The following RAD51B variants were observed in gnomAD, a reference collection of about 807,000 sequenced individuals.
RAD51B encodes the protein RAD51 paralog B.
RAD51B carries 38 observed loss-of-function variants against 42.2 expected under a neutral mutation model. The observed-to-expected ratio is 0.90, with a 90% CI of 0.70 to 1.18. The LOEUF (loss-of-function observed/expected upper bound fraction) is 1.18, where lower values mean the gene tolerates loss of function less well. Among genes scored for constraint, RAD51B ranks in the 50% most tolerant of loss-of-function variants. The probability of loss-of-function intolerance (pLI) is 0.00; values close to 1 mark genes in which losing one functional copy is unlikely to be tolerated. For missense variants in RAD51B, 373 were observed against 400.7 expected, an observed-to-expected ratio of 0.93 and a Z score of 0.59; for synonymous variants, 154 against 145.2, an observed-to-expected ratio of 1.06 and a Z score of -0.43.
At chr14:68,485,536 C>CA (rs956640985) in intron 10 of RAD51B, among the ~76,000 whole-genome samples, 33 of 150,472 alleles carry the variant, frequency 2.2e-4, no homozygotes, top group South Asian at 4.2e-4. Flanking sequence ...ACTTCCTTTT[C>CA]AAAAAAAAAC....
At chr14:68,556,710 T>A (rs921448647) in intron 10 of RAD51B, among the ~76,000 whole-genome samples, 1 of 152,162 alleles carries the variant, frequency 6.6e-6, no homozygotes, top group Non-Finnish European at 1.5e-5. Context: ...CTGAAAATAT[T>A]TGCAGTTACA....
chr14:68,206,956 A>AT (rs1293340523), intron 7 of RAD51B, among the ~76,000 whole-genome samples: 1 of 151,710 alleles, frequency 6.6e-6, no homozygotes, highest in African/African-American at 2.4e-5. Context: ...CGCCCGGCTA[A>AT]TTTTTTTATA....
rs927246801 is a variant in RAD51B at position 67,819,828 on chromosome 14, C to G, written c.-28C>G. ...GGAAACTGTGTAAAGGGTGGGGAAA[C>G]TTGAAAGTTGGATGCTGCAGACCCG... On this transcript the variant is annotated 5_prime_UTR_variant, in exon 1 of 11. Coordinates refer to ENST00000471583, the MANE Select transcript of RAD51B (RefSeq NM_133510.4). 6.6e-6 allele frequency: 1 copy of G among 152,106 alleles called. No homozygotes were observed. 9.4% of individuals were successfully genotyped at this position (152,106 alleles called of 1,614,324 possible).
At chr14:68,004,499 CAT>C (rs1339814124) in intron 7 of RAD51B, among the ~76,000 whole-genome samples, 1 of 151,924 alleles carries the variant, frequency 6.6e-6, no homozygotes, top group African/African-American at 2.4e-5. Context: ...ATTTTTATAA[CAT>C]AGGATTTTCT....
chr14:68,429,841 G>GT (rs750826771), intron 9 of RAD51B, among the ~76,000 whole-genome samples: 6 of 147,696 alleles, frequency 4.1e-5, no homozygotes, highest in Admixed American at 6.6e-5. Flanking sequence ...GTCCTGAATG[G>GT]TATTGCCTAG....
intron 10 of RAD51B, among the ~76,000 whole-genome samples, chr14:68,632,776 G>A (rs1344859645): frequency 6.6e-6 from 1 of 151,836 alleles, no homozygotes; most frequent in Non-Finnish European, 1.5e-5. Context: ...GCAATGACCA[G>A]TGGGTCTTTA....
chr14:68,463,643 A>G (rs1216063497), intron 9 of RAD51B, among the ~76,000 whole-genome samples: 3 of 152,182 alleles, frequency 2.0e-5, no homozygotes, highest in African/African-American at 7.2e-5. Flanking sequence ...GCATCTTCAC[A>G]TAGTATATAC....
chr14:67,897,181 C>T (rs2043449790), intron 7 of RAD51B, among the ~76,000 whole-genome samples: 1 of 152,102 alleles, frequency 6.6e-6, no homozygotes, highest in African/African-American at 2.4e-5. Flanking sequence ...TGACAGCAGC[C>T]TTGGCAATGA....
intron 8 of RAD51B, among the ~76,000 whole-genome samples, chr14:68,348,625 C>T (rs575431785): frequency 3.9e-5 from 6 of 152,312 alleles, no homozygotes; most frequent in African/African-American, 7.2e-5. Flanking sequence ...TCTCGCCTGG[C>T]GCGGTGGCTC....
chr14:68,197,279 G>T (rs886445242), intron 7 of RAD51B, among the ~76,000 whole-genome samples: 1 of 152,106 alleles, frequency 6.6e-6, no homozygotes, highest in Non-Finnish European at 1.5e-5. Context: ...ACTCACATAC[G>T]TAGAAATCAA....
At chr14:68,062,943 T>G (rs1261078553) in intron 7 of RAD51B, among the ~76,000 whole-genome samples, 1 of 152,166 alleles carries the variant, frequency 6.6e-6, no homozygotes, top group African/African-American at 2.4e-5. Context: ...CTGTTCATGC[T>G]TTCCATTTCT....
At chr14:68,377,784 G>T (rs965383886) in intron 8 of RAD51B, among the ~76,000 whole-genome samples, 3 of 152,218 alleles carry the variant, frequency 2.0e-5, no homozygotes, top group African/African-American at 7.2e-5. Flanking sequence ...GTGGCTTAGG[G>T]AGTCACTGTC....
chr14:68,259,289 C>T lies in RAD51B; in HGVS notation c.757-32595C>T, dbSNP rs539561252. On this transcript the variant is annotated intron_variant, in intron 7 of 10. Coordinates refer to ENST00000471583, the MANE Select transcript of RAD51B (RefSeq NM_133510.4). ...ACACAGGAAGGGGAACATCACACACCGGGGACTGTTGTGGGGTAGGGGGAG... is the reference window on the plus strand; with the variant it reads ...ACACAGGAAGGGGAACATCACACACTGGGGACTGTTGTGGGGTAGGGGGAG... Among the ~76,000 whole-genome samples, 19 of 88,706 alleles carry T rather than the reference C, an allele frequency of 2.1e-4. No individual in the cohort carries two copies. In the South Asian group the frequency reaches 3.4e-3, roughly 16 times the overall value. The allele number at this position is 88,706 out of a possible 152,430, so 58.2% of individuals were successfully genotyped here.
intron 7 of RAD51B, among the ~76,000 whole-genome samples, chr14:68,112,737 A>T (rs1017676815): frequency 3.3e-5 from 5 of 152,098 alleles, no homozygotes; most frequent in Admixed American, 1.3e-4. Flanking sequence ...TCCAGAAGAT[A>T]GTCTTCTTTG....
Position 68,494,479 on chromosome 14 carries a change from G to A in RAD51B, c.1036+26229G>A, listed in dbSNP as rs79904847. Reference sequence around the variant, plus strand: ...TGTGGGCAATACTCCAAGCACCCCCGGTTGAAAACACCAACAAGGCTATCT... The same window carrying A: ...TGTGGGCAATACTCCAAGCACCCCCAGTTGAAAACACCAACAAGGCTATCT... On this transcript the variant is annotated intron_variant, in intron 10 of 10. Coordinates refer to the RAD51B transcript ENST00000487270. 4.7e-4 allele frequency among the ~76,000 whole-genome samples: 72 copies of A among 152,176 alleles called. 1 individual carries two copies. Among genetic ancestry groups the A allele is most frequent in the Admixed American group, 1.8e-3 (27 of 15,288 alleles).
intron 8 of RAD51B, among the ~76,000 whole-genome samples, chr14:68,346,255 A>G (rs2082674920): frequency 6.6e-6 from 1 of 152,228 alleles, no homozygotes; most frequent in African/African-American, 2.4e-5. Flanking sequence ...ATTTTCTAAG[A>G]CTGCCTGAAG....
At chr14:68,254,268 CTTCAAGTCG>C (rs1324171945) in intron 7 of RAD51B, among the ~76,000 whole-genome samples, 7 of 152,176 alleles carry the variant, frequency 4.6e-5, no homozygotes, top group Non-Finnish European at 7.4e-5. Flanking sequence ...GGTGCTGTCT[CTTCAAGTCG>C]TTTCATTCTT....
chr14:68,181,571 C>T (rs1469328912), intron 7 of RAD51B, among the ~76,000 whole-genome samples: 2 of 152,210 alleles, frequency 1.3e-5, no homozygotes, highest in African/African-American at 2.4e-5. Flanking sequence ...CAGCCTGCCC[C>T]CTCCAGTAGT....
intron 11 of RAD51B, chr14:68,683,015 T>A: frequency 3.2e-6 from 3 of 949,616 alleles, no homozygotes; most frequent in Non-Finnish European, 3.8e-6. Flanking sequence ...GCATATCCTG[T>A]CACAAAGGAC....
Sources: gnomAD v4.1 joint callset for allele counts (sites outside exome capture counted in the v4.1 genomes callset) on GRCh38, gnomAD v4.1.1 for gene constraint, MANE v1.5 for transcripts, NCBI Gene and HGNC (gene_info 2026-07-23, HGNC 2026-07-21) for gene names.